The following RASGRF2 variants were observed in gnomAD, a reference collection of about 807,000 sequenced individuals.
The protein encoded by RASGRF2 is Ras protein specific guanine nucleotide releasing factor 2, also known as ras-specific guanine nucleotide-releasing factor 2.
A neutral mutation model predicts 151.0 loss-of-function variants in RASGRF2; 76 were observed. That is an observed-to-expected ratio of 0.50 (90% CI 0.42 to 0.61). RASGRF2 has a LOEUF of 0.61. Ranked by LOEUF, RASGRF2 falls within the 20% of genes least tolerant of loss-of-function variation. The pLI, the probability that RASGRF2 is intolerant of heterozygous loss-of-function variation, is 0.00. For synonymous variants in RASGRF2, 504 were observed against 566.5 expected (o/e 0.89, Z 1.57); for missense variants, 1,148 against 1,564.6 (o/e 0.73, Z 4.49).
rs372010556 is a variant in RASGRF2, at chr5:81,137,663, G to A, written c.2686+10500G>A. On this transcript the variant is annotated intron_variant, in intron 17 of 26. Transcript: ENST00000265080. ...TTAGGACATACACATAGACTAAGGC[G>A]TGACCACGTGAAGACACAGGAAGAA... is the stretch of plus-strand genomic sequence containing the variant. Among the ~76,000 whole-genome samples, 23 of 152,282 alleles carry A rather than the reference G, an allele frequency of 1.5e-4. 1 individual carries two copies. Among genetic ancestry groups the A allele is most frequent in the African/African-American group, 4.1e-4 (17 of 41,556 alleles).
chr5:81,126,642 C>T (rs1753462637), intron 16 of RASGRF2, among the ~76,000 whole-genome samples: 1 of 152,178 alleles, frequency 6.6e-6, no homozygotes, highest in South Asian at 2.1e-4. Flanking sequence ...ACATTTAACA[C>T]AAAGGGAATC....
intron 1 of RASGRF2, among the ~76,000 whole-genome samples, chr5:81,028,045 T>C (rs1463939112): frequency 6.6e-6 from 1 of 151,366 alleles, no homozygotes; most frequent in Non-Finnish European, 1.5e-5. Flanking sequence ...GGGTGGGGAG[T>C]TGGAATTTGA....
intron 18 of RASGRF2, among the ~76,000 whole-genome samples, 153 bp from the exon 19 acceptor site, chr5:81,201,177 T>C (rs1755385992): frequency 6.6e-6 from 1 of 152,130 alleles, no homozygotes; most frequent in Non-Finnish European, 1.5e-5. Flanking sequence ...ACCAATTAAA[T>C]CGGGACCCTA....
intron 8 of RASGRF2, among the ~76,000 whole-genome samples, chr5:81,086,178 G>C (rs1389256212): frequency 6.6e-6 from 1 of 151,958 alleles, no homozygotes; most frequent in East Asian, 1.9e-4. Context: ...TTTAAGTTTG[G>C]AAATGTTCAT....
intron 1 of RASGRF2, among the ~76,000 whole-genome samples, chr5:80,974,196 C>T (rs963522806): frequency 6.6e-6 from 1 of 152,158 alleles, no homozygotes; most frequent in East Asian, 1.9e-4. Flanking sequence ...CCAGACAGTT[C>T]GATCAGCAGC....
At chr5:81,128,811 C>T (rs978682210) in intron 17 of RASGRF2, among the ~76,000 whole-genome samples, 6 of 152,098 alleles carry the variant, frequency 3.9e-5, no homozygotes, top group Admixed American at 6.6e-5. Flanking sequence ...TCTTCTCTCA[C>T]GTGCAAGGAG....
In RASGRF2 at chr5:81,225,662, TC is replaced by T. The variant is rs764390541; in HGVS notation, c.3622-12del. 1 of 1,610,862 alleles carries T rather than the reference TC, an allele frequency of 6.2e-7. No individual in the cohort carries two copies. Among genetic ancestry groups the T allele is most frequent in the South Asian group, 1.1e-5 (1 of 90,220 alleles). On this transcript the variant is annotated splice_polypyrimidine_tract_variant and intron_variant, in intron 26 of 26. Coordinates refer to ENST00000265080, the MANE Select transcript of RASGRF2 (RefSeq NM_006909.3). The stretch of plus-strand genomic sequence containing the variant: ...TCTGAAAGAGGTAAAAGCTGGGACT[TC>T]CCCTTTTTTTTCAGGTCGCACAGTA...
chr5:80,989,257 C>T (rs1349158388), intron 1 of RASGRF2, among the ~76,000 whole-genome samples: 1 of 152,166 alleles, frequency 6.6e-6, no homozygotes, highest in Non-Finnish European at 1.5e-5. Flanking sequence ...AGGCATGAGC[C>T]ACTGTGCCTG....
At chr5:81,215,572 A>G (rs1755719454) in intron 23 of RASGRF2, among the ~76,000 whole-genome samples, 1 of 152,080 alleles carries the variant, frequency 6.6e-6, no homozygotes, top group African/African-American at 2.4e-5. Context: ...CACCCGGCCT[A>G]CTTGTCAGTT....
At chr5:81,054,028 C>A (rs1751113338) in intron 2 of RASGRF2, among the ~76,000 whole-genome samples, 1 of 152,148 alleles carries the variant, frequency 6.6e-6, no homozygotes. Flanking sequence ...GATATTAGCC[C>A]TTTGTCAGAT....
rs1224821048 is a variant in RASGRF2, at chr5:81,113,775, G to A, written c.2325G>A (p.Ala775=). The part of the protein sequence containing the change: ...SPTTTTQSPA[A]SPPPHTGQIP... ...CCACCACCACCCAGAGTCCCGCTGC[G>A]TCTCCACCACCACACACTGGTCAGA... Residue 775 remains alanine, a synonymous_variant, in exon 15 of 27, where the codon GCG becomes GCA. Transcript: ENST00000265080. The A allele has an allele frequency of 1.4e-5, 23 of 1,613,956 alleles. No individual in the cohort carries two copies. Among genetic ancestry groups the A allele is most frequent in the African/African-American group, 1.1e-4 (8 of 74,868 alleles).
At chr5:80,996,504 C>CTTCTTCTTCTT (rs56180832) in intron 1 of RASGRF2, among the ~76,000 whole-genome samples, 3 of 50,260 alleles carry the variant, frequency 6.0e-5, no homozygotes, top group African/African-American at 1.5e-4. Context: ...TCTTCTTCTT[C>CTTCTTCTTCTT]CTCCTCCTCC....
chr5:81,031,944 A>G (rs1204931748), intron 1 of RASGRF2, among the ~76,000 whole-genome samples: 1 of 152,108 alleles, frequency 6.6e-6, no homozygotes, highest in Non-Finnish European at 1.5e-5. Flanking sequence ...TCAAATAGAC[A>G]CAATAAAAAA....
intron 2 of RASGRF2, among the ~76,000 whole-genome samples, chr5:81,045,092 G>C (rs765319950): frequency 1.4e-4 from 22 of 152,076 alleles, no homozygotes; most frequent in Non-Finnish European, 2.9e-4. Flanking sequence ...CCAGACTTAG[G>C]ACTAATGCAG....
At chr5:81,016,164 G>A (rs509741) in intron 1 of RASGRF2, among the ~76,000 whole-genome samples, 80,040 of 151,952 alleles carry the variant, frequency 0.53, 21,335 homozygotes, top group Middle Eastern at 0.69. Flanking sequence ...TATCTTCCAC[G>A]TCAATCCCTA....
chr5:81,112,958 T>G (rs1580327107), intron 14 of RASGRF2, 100 bp downstream of exon 14: 23 of 1,444,886 alleles, frequency 1.6e-5, no homozygotes, highest in African/African-American at 5.6e-5. Context: ...AAGCAGCTCC[T>G]AGGGTGTACT....
At chr5:81,152,233 C>G (rs1411606802) in intron 17 of RASGRF2, among the ~76,000 whole-genome samples, 1 of 152,128 alleles carries the variant, frequency 6.6e-6, no homozygotes, top group Non-Finnish European at 1.5e-5. Flanking sequence ...AACTCCTGAC[C>G]TCAAGTGATC....
Position 81,050,256 on chromosome 5 carries a change from A to G in RASGRF2, c.395+7273A>G, listed in dbSNP as rs565516429. Among the ~76,000 whole-genome samples, 19 of 152,218 alleles carry G rather than the reference A, an allele frequency of 1.2e-4. No homozygotes were observed. In the South Asian group the frequency reaches 3.1e-3, roughly 25 times the overall value. Reference sequence around the variant, plus strand: ...TCGGCTTCCTTCCCATCGATTCTCTACAGTTACTAGAGTGCCCTTTCTAAG... The same window carrying G: ...TCGGCTTCCTTCCCATCGATTCTCTGCAGTTACTAGAGTGCCCTTTCTAAG... On this transcript the variant is annotated intron_variant, in intron 2 of 26. Coordinates refer to ENST00000265080, the MANE Select transcript of RASGRF2 (RefSeq NM_006909.3).
At chr5:81,219,940 A>AC in intron 26 of RASGRF2, 162 bp downstream of exon 26, 1 of 555,224 alleles carries the variant, frequency 1.8e-6, no homozygotes, top group Non-Finnish European at 3.2e-6. Flanking sequence ...AAAAAAAAAA[A>AC]AGAACATCAA....
Sources: allele counts gnomAD v4.1 joint callset (sites outside exome capture counted in the v4.1 genomes callset), GRCh38; gene constraint gnomAD v4.1.1; transcripts MANE v1.5; gene names NCBI Gene and HGNC (gene_info 2026-07-23, HGNC 2026-07-21).